Variants in KCNMB2 observed in about 807,000 individuals in gnomAD.
KCNMB2 encodes the protein calcium-activated potassium channel subunit beta-2.
KCNMB2 carries 9 observed loss-of-function variants against 24.5 expected under a neutral mutation model. The ratio of observed to expected loss-of-function variants is 0.37; its 90% CI spans 0.22 to 0.64. The LOEUF (loss-of-function observed/expected upper bound fraction) is 0.64, where lower values mean the gene tolerates loss of function less well. Among genes scored for constraint, KCNMB2 ranks in the 30% least tolerant of loss-of-function variants. The probability of loss-of-function intolerance (pLI) is 0.63; values close to 1 mark genes in which losing one functional copy is unlikely to be tolerated. For synonymous variants in KCNMB2, 109 were observed against 104.4 expected, an observed-to-expected ratio of 1.04 and a Z score of -0.27; for missense variants, 226 against 284.3, an observed-to-expected ratio of 0.79 and a Z score of 1.47.
intron 1 of KCNMB2, among the ~76,000 whole-genome samples, chr3:178,553,684 C>T (rs558938501): frequency 1.1e-4 from 16 of 152,078 alleles, no homozygotes; most frequent in African/African-American, 2.7e-4. Flanking sequence ...ATTATGGGCG[C>T]GCATGCTATC....
intron 1 of KCNMB2, among the ~76,000 whole-genome samples, chr3:178,682,863 GA>G (rs955916488): frequency 2.7e-5 from 4 of 148,612 alleles, no homozygotes; most frequent in East Asian, 2.0e-4. Flanking sequence ...AGTCAAAAAA[GA>G]AAAAAAAACA....
chr3:178,785,133 A>G (rs575058033), intron 1 of KCNMB2, among the ~76,000 whole-genome samples: 5 of 152,204 alleles, frequency 3.3e-5, no homozygotes, highest in Admixed American at 2.0e-4. Context: ...CTAAAGAGAT[A>G]ATAAACATCA....
At chr3:178,609,279 A>G (rs530341746) in intron 1 of KCNMB2, among the ~76,000 whole-genome samples, 1 of 152,174 alleles carries the variant, frequency 6.6e-6, no homozygotes, top group Non-Finnish European at 1.5e-5. Context: ...GCCCTTTTTT[A>G]TGACTTCTTT....
intron 1 of KCNMB2, among the ~76,000 whole-genome samples, chr3:178,550,839 C>T (rs1445524521): frequency 1.3e-5 from 2 of 152,070 alleles, no homozygotes; most frequent in Non-Finnish European, 2.9e-5. Context: ...TAAATGAAAT[C>T]ATGTATGCCA....
chr3:178,724,761 C>G (rs1482818661), intron 1 of KCNMB2, among the ~76,000 whole-genome samples: 1 of 151,912 alleles, frequency 6.6e-6, no homozygotes, highest in Non-Finnish European at 1.5e-5. Flanking sequence ...GAATAGCGTA[C>G]CTTTTCCCCA....
intron 1 of KCNMB2, among the ~76,000 whole-genome samples, chr3:178,561,136 A>C (rs1470960540): frequency 6.6e-6 from 1 of 152,342 alleles, no homozygotes; most frequent in East Asian, 1.9e-4. Flanking sequence ...ATGATGTATC[A>C]TCTCACTCCA....
intron 1 of KCNMB2, among the ~76,000 whole-genome samples, chr3:178,656,879 T>C (rs1720362927): frequency 6.6e-6 from 1 of 152,108 alleles, no homozygotes; most frequent in African/African-American, 2.4e-5. Context: ...CATGTGTTTG[T>C]TGGGGCGGGG....
rs6790795 is a variant in KCNMB2, at chr3:178,784,668, T to A, written c.-67-22675T>A. Among the ~76,000 whole-genome samples, 1,006 of 152,208 alleles carry A rather than the reference T, an allele frequency of 6.6e-3. 15 individuals are homozygous for A. Among genetic ancestry groups the A allele is most frequent in the African/African-American group, 0.023 (949 of 41,550 alleles). ...AAGCAATTTGACCTGACCTGGTTTTTCTTTGACCTGTAGCCATCCAAAGAG... is the reference window on the plus strand; with the variant it reads ...AAGCAATTTGACCTGACCTGGTTTTACTTTGACCTGTAGCCATCCAAAGAG... On this transcript the variant is annotated intron_variant, in intron 1 of 4. Transcript: ENST00000452583.
intron 1 of KCNMB2, chr3:178,559,058 TACAC>T (rs1234761656): frequency 1.3e-5 from 2 of 152,172 alleles, no homozygotes; most frequent in Non-Finnish European, 2.9e-5. Context: ...GAATTGGTGA[TACAC>T]AAAGAGAGGA....
At chr3:178,548,459 T>TC (rs1200574206) in intron 1 of KCNMB2, among the ~76,000 whole-genome samples, 3 of 152,178 alleles carry the variant, frequency 2.0e-5, no homozygotes, top group Non-Finnish European at 2.9e-5. Context: ...CAGGTGAATT[T>TC]CTAGCCTAAT....
intron 1 of KCNMB2, among the ~76,000 whole-genome samples, chr3:178,760,635 T>C (rs1711818657): frequency 6.6e-6 from 1 of 150,980 alleles, no homozygotes; most frequent in Non-Finnish European, 1.5e-5. Context: ...AAATTTTCTT[T>C]TACAAGAAGG....
At chr3:178,628,143 A>G (rs77556783) in intron 1 of KCNMB2, among the ~76,000 whole-genome samples, 88 of 152,294 alleles carry the variant, frequency 5.8e-4, no homozygotes, top group Middle Eastern at 3.4e-3. Flanking sequence ...TTAGAGCTAG[A>G]TTATTTTGTC....
intron 1 of KCNMB2, among the ~76,000 whole-genome samples, chr3:178,723,031 T>C (rs1034378068): frequency 1.3e-5 from 2 of 152,212 alleles, no homozygotes; most frequent in Admixed American, 6.5e-5. Context: ...CAGTTGACTA[T>C]AGTTGGGTGA....
intron 1 of KCNMB2, among the ~76,000 whole-genome samples, chr3:178,649,403 T>C (rs1194267616): frequency 6.6e-6 from 1 of 152,138 alleles, no homozygotes; most frequent in Non-Finnish European, 1.5e-5. Flanking sequence ...GATCCAGCTT[T>C]ATTTTTTTCC....
chr3:178,693,509 T>C (rs540871334), intron 1 of KCNMB2, among the ~76,000 whole-genome samples: 5 of 152,366 alleles, frequency 3.3e-5, no homozygotes, highest in African/African-American at 9.6e-5. Flanking sequence ...GAGATAATTA[T>C]GTGGTTTTTG....
At chr3:178,770,504 G>A (rs936522060) in intron 1 of KCNMB2, among the ~76,000 whole-genome samples, 4 of 152,170 alleles carry the variant, frequency 2.6e-5, no homozygotes, top group Admixed American at 6.5e-5. Flanking sequence ...AGGACCTAGC[G>A]GTGTTTTCAC....
At position 178,538,998 on chromosome 3, in the gene KCNMB2, A is replaced by G. The variant is rs181591397; in HGVS notation, c.-68+2287A>G. ...GCAAGTCTGCAGTCCCCCTTGATAT[A>G]AAAAATAAGCACAGCTTTAGTCAGT... On this transcript the variant is annotated intron_variant, in intron 1 of 4. Transcript: ENST00000452583. Among the ~76,000 whole-genome samples the G allele has an allele frequency of 4.9e-3, 746 of 152,328 alleles. 2 individuals are homozygous for G. Among genetic ancestry groups the G allele is most frequent in the Non-Finnish European group, 8.6e-3 (584 of 68,020 alleles).
chr3:178,738,477 A>G (rs1723388275), intron 1 of KCNMB2, among the ~76,000 whole-genome samples: 1 of 152,222 alleles, frequency 6.6e-6, no homozygotes, highest in Non-Finnish European at 1.5e-5. Flanking sequence ...CAAAGTCTAC[A>G]TGACCTGGCA....
intron 1 of KCNMB2, among the ~76,000 whole-genome samples, chr3:178,670,180 C>G (rs1343892340): frequency 6.6e-6 from 1 of 152,022 alleles, no homozygotes; most frequent in Non-Finnish European, 1.5e-5. Context: ...AACATATCAC[C>G]AAAAGACACT....
Sources: allele counts gnomAD v4.1 joint callset (sites outside exome capture counted in the v4.1 genomes callset), GRCh38; gene constraint gnomAD v4.1.1; transcripts MANE v1.5; gene names NCBI Gene and HGNC (gene_info 2026-07-23, HGNC 2026-07-21).